The following FGD4 variants were observed in gnomAD, a reference collection of about 807,000 sequenced individuals.
FGD4 encodes FYVE, RhoGEF and PH domain-containing protein 4.
FGD4 carries 42 observed loss-of-function variants against 102.0 expected under a neutral mutation model. The observed-to-expected ratio is 0.41, with a 90% CI of 0.32 to 0.53. The LOEUF is 0.53. Ranked by LOEUF, FGD4 falls within the 20% of genes least tolerant of loss-of-function variation. The probability of loss-of-function intolerance (pLI) is 0.21; values close to 1 mark genes in which losing one functional copy is unlikely to be tolerated. For synonymous variants in FGD4, 380 were observed against 375.7 expected (o/e 1.01, Z -0.13); for missense variants, 902 against 1,078.2 (o/e 0.84, Z 2.29).
intron 15 of FGD4, among the ~76,000 whole-genome samples, chr12:32,637,177 C>T (rs1242906533): frequency 6.6e-6 from 1 of 151,130 alleles, no homozygotes; most frequent in Admixed American, 6.6e-5. Context: ...GTGTGAGCCA[C>T]CGCACCCAGC....
chr12:32,570,927 A>T (rs1235276293), intron 2 of FGD4, among the ~76,000 whole-genome samples: 1 of 152,234 alleles, frequency 6.6e-6, no homozygotes, highest in African/African-American at 2.4e-5. Context: ...GAAACTTTGT[A>T]TCCTGCCACA....
intron 1 of FGD4, among the ~76,000 whole-genome samples, chr12:32,486,374 G>C (rs184150633): frequency 6.6e-6 from 1 of 152,254 alleles, no homozygotes; most frequent in Admixed American, 6.5e-5. Context: ...CATGATCCAG[G>C]AACAATTACT....
chr12:32,496,379 A>G (rs1937819621), intron 1 of FGD4, among the ~76,000 whole-genome samples: 1 of 152,186 alleles, frequency 6.6e-6, no homozygotes, highest in Non-Finnish European at 1.5e-5. Flanking sequence ...TGTCTGTGTG[A>G]TGTATCTTTG....
intron 1 of FGD4, among the ~76,000 whole-genome samples, chr12:32,408,677 A>G (rs1370030372): frequency 2.0e-5 from 3 of 152,050 alleles, no homozygotes; most frequent in African/African-American, 2.4e-5. Context: ...CGTCCTCACC[A>G]CTTCCTTGTC....
At position 32,460,250 on chromosome 12, in the gene FGD4, G is replaced by T. The variant is rs577717058; in HGVS notation, c.166+60291G>T. 9.9e-5 allele frequency among the ~76,000 whole-genome samples: 15 copies of T among 152,214 alleles called. No individual in the cohort carries two copies. The East Asian group carries it at 2.9e-3, about 29-fold the overall frequency. The stretch of plus-strand genomic sequence containing the variant: ...TTTTTGGCCAGACATGGTGGCTCAC[G>T]CCTGTAATCCGAGGACTTTGAGAAG... On this transcript the variant is annotated intron_variant, in intron 1 of 16. Coordinates refer to ENST00000534526, the MANE Select transcript of FGD4 (RefSeq NM_001370298.3).
chr12:32,576,812 G>A (rs1047642885), intron 3 of FGD4, among the ~76,000 whole-genome samples: 3 of 152,068 alleles, frequency 2.0e-5, no homozygotes, highest in African/African-American at 4.8e-5. Context: ...AAGTCTGAGC[G>A]GATGCCTCTG....
At chr12:32,621,010 A>G (rs1270096067) in intron 11 of FGD4, among the ~76,000 whole-genome samples, 1 of 151,964 alleles carries the variant, frequency 6.6e-6, no homozygotes, top group Non-Finnish European at 1.5e-5. Flanking sequence ...ACTGCAGTTG[A>G]TCATAGCTAC....
chr12:32,411,090 G>A (rs1318783017), intron 1 of FGD4, among the ~76,000 whole-genome samples: 2 of 148,220 alleles, frequency 1.3e-5, no homozygotes, highest in East Asian at 2.2e-4. Flanking sequence ...CACCACGCCC[G>A]GCTAATTTTT....
chr12:32,620,056 C>A (rs965792585), intron 11 of FGD4, among the ~76,000 whole-genome samples, 186 bp downstream of exon 11: 2 of 152,164 alleles, frequency 1.3e-5, no homozygotes, highest in African/African-American at 4.8e-5. Context: ...CTTGATTCCT[C>A]CATAGTGCCT....
intron 1 of FGD4, among the ~76,000 whole-genome samples, chr12:32,438,667 T>G (rs1942320094): frequency 6.6e-6 from 1 of 151,618 alleles, no homozygotes; most frequent in African/African-American, 2.4e-5. Context: ...TGGAGTGCAG[T>G]GGCGCGATCT....
intron 1 of FGD4, among the ~76,000 whole-genome samples, chr12:32,438,638 C>A (rs1942318492): frequency 6.7e-6 from 1 of 149,108 alleles, no homozygotes; most frequent in Non-Finnish European, 1.5e-5. Context: ...GAGATGGAGT[C>A]TCGCTCTGTC....
In FGD4 at chr12:32,423,234, C is replaced by T. The variant is rs565651789; in HGVS notation, c.166+23275C>T. ...CGGCCAGAGAGGCCACATGGGTTCTCGGCTTCCTCCAGGAAAGAATTCAAG... is the reference window on the plus strand; with the variant it reads ...CGGCCAGAGAGGCCACATGGGTTCTTGGCTTCCTCCAGGAAAGAATTCAAG... On this transcript the variant is annotated intron_variant, in intron 1 of 16. Transcript: ENST00000534526. Among the ~76,000 whole-genome samples, 78 of 152,190 alleles carry T rather than the reference C, an allele frequency of 5.1e-4. 1 individual carries two copies. Among genetic ancestry groups the T allele is most frequent in the African/African-American group, 3.9e-4 (16 of 41,536 alleles).
At chr12:32,459,530 T>C (rs1484027774) in intron 1 of FGD4, among the ~76,000 whole-genome samples, 1 of 152,014 alleles carries the variant, frequency 6.6e-6, no homozygotes, top group Non-Finnish European at 1.5e-5. Context: ...AATGTAAATT[T>C]AAGGCACTCA....
At chr12:32,603,875 G>T (rs1231816706) in intron 7 of FGD4, among the ~76,000 whole-genome samples, 1 of 151,780 alleles carries the variant, frequency 6.6e-6, no homozygotes, top group East Asian at 1.9e-4. Flanking sequence ...CTAAATCTTA[G>T]AATTTTTTTA....
At chr12:32,551,622 G>T (rs4569085) in intron 1 of FGD4, among the ~76,000 whole-genome samples, 15,384 of 152,172 alleles carry the variant, frequency 0.1, 989 homozygotes, top group Middle Eastern at 0.18. Flanking sequence ...AGTGCTTAAC[G>T]ATATATAATA....
At chr12:32,610,559 A>G (rs2136758902) in intron 8 of FGD4, among the ~76,000 whole-genome samples, 1 of 152,346 alleles carries the variant, frequency 6.6e-6, no homozygotes, top group African/African-American at 2.4e-5. Flanking sequence ...CTGTGAGCCT[A>G]AATCATCATG....
intron 5 of FGD4, among the ~76,000 whole-genome samples, chr12:32,600,995 C>A (rs893617312): frequency 3.3e-5 from 5 of 152,270 alleles, no homozygotes; most frequent in Middle Eastern, 3.4e-3. Flanking sequence ...ATTCTATTAA[C>A]CTCAACTGGA....
Position 32,517,760 on chromosome 12 carries a change from C to G in FGD4, c.167-46377C>G, listed in dbSNP as rs3850984. Among the ~76,000 whole-genome samples the G allele has an allele frequency of 1.9e-3, 294 of 152,188 alleles. 2 individuals are homozygous for G. Among genetic ancestry groups the G allele is most frequent in the African/African-American group, 7.0e-3 (291 of 41,524 alleles). ...AATTAGCTTGGCATGGTGGCATGTG[C>G]CTGTAGTCCCAGCTATTTGGGAGGC... is the stretch of plus-strand genomic sequence containing the variant. On this transcript the variant is annotated intron_variant, in intron 1 of 16. Transcript: ENST00000534526.
intron 1 of FGD4, among the ~76,000 whole-genome samples, chr12:32,473,605 G>C (rs1366295321): frequency 1.3e-5 from 2 of 151,942 alleles, no homozygotes; most frequent in African/African-American, 4.8e-5. Flanking sequence ...GAGGGTCTGC[G>C]GCTTCATTCT....
Sources: gnomAD v4.1 joint callset for allele counts (sites outside exome capture counted in the v4.1 genomes callset) on GRCh38, gnomAD v4.1.1 for gene constraint, MANE v1.5 for transcripts, NCBI Gene and HGNC (gene_info 2026-07-23, HGNC 2026-07-21) for gene names.